The following ACTR3C variants were observed in gnomAD, a reference collection of about 807,000 sequenced individuals.
ACTR3C encodes the protein actin related protein 3C.
Under a neutral mutation model 26.3 loss-of-function variants are expected in ACTR3C, and 18 were observed. The observed-to-expected ratio is 0.68, with a 90% CI of 0.47 to 1.01. ACTR3C has a LOEUF of 1.01. Among genes scored for constraint, ACTR3C ranks in the 50% least tolerant of loss-of-function variants. The pLI is 0.00. For missense variants in ACTR3C, 184 were observed against 250.7 expected (o/e 0.73, Z 1.80); for synonymous variants, 55 against 94.5 (o/e 0.58, Z 2.42).
At chr7:150,184,753 G>A in the ACTR3C span, among the ~76,000 whole-genome samples, 2 of 149,204 alleles carry the variant, frequency 1.3e-5, no homozygotes, top group Admixed American at 1.3e-4. Context: ...ACACGCTAAG[G>A]GGGTTTGAGC....
chr7:150,312,874 G>A (rs1343858955), intron 1 of ACTR3C, among the ~76,000 whole-genome samples: 1 of 152,144 alleles, frequency 6.6e-6, no homozygotes, highest in Non-Finnish European at 1.5e-5. Flanking sequence ...GCACATATAT[G>A]TCCAGATGGC....
the ACTR3C span, among the ~76,000 whole-genome samples, chr7:149,996,417 T>G: frequency 6.7e-6 from 1 of 150,072 alleles, no homozygotes; most frequent in South Asian, 2.2e-4. Flanking sequence ...AAATTGCTAT[T>G]CAGGAGCTGG....
chr7:149,896,985 T>A, the ACTR3C span, among the ~76,000 whole-genome samples: 2 of 144,206 alleles, frequency 1.4e-5, no homozygotes, highest in Non-Finnish European at 3.0e-5. Context: ...CACTTGAACT[T>A]GGGAGGTGGA....
the ACTR3C span, among the ~76,000 whole-genome samples, chr7:149,932,748 G>T: frequency 1.7e-4 from 23 of 138,742 alleles, no homozygotes; most frequent in Non-Finnish European, 8.0e-5. Context: ...GGACAGCAGG[G>T]CGAGACAGGG....
At chr7:149,974,225 T>C in the ACTR3C span, among the ~76,000 whole-genome samples, 1 of 134,078 alleles carries the variant, frequency 7.5e-6, no homozygotes, top group Non-Finnish European at 1.6e-5. Context: ...TTACAGCAAA[T>C]TGCTAAAGTG....
At chr7:149,910,321 G>A in the ACTR3C span, among the ~76,000 whole-genome samples, 1 of 152,300 alleles carries the variant, frequency 6.6e-6, no homozygotes, top group East Asian at 1.9e-4. Context: ...TCTGACAAGA[G>A]CATCTCTTCA....
chr7:150,034,948 G>A, the ACTR3C span, among the ~76,000 whole-genome samples: 19 of 146,616 alleles, frequency 1.3e-4, no homozygotes, highest in Admixed American at 4.1e-4. Context: ...GGGCGGAAGA[G>A]GGGATAACTC....
the ACTR3C span, among the ~76,000 whole-genome samples, chr7:150,192,225 T>C: frequency 6.6e-6 from 1 of 151,762 alleles, no homozygotes. Context: ...ACATTAGTGA[T>C]GGCCTCATTA....
the ACTR3C span, among the ~76,000 whole-genome samples, chr7:150,139,147 G>A: frequency 1.9e-3 from 283 of 147,964 alleles, no homozygotes; most frequent in African/African-American, 6.5e-3. Context: ...CCCACTCCCC[G>A]GTCCATGGAA....
the ACTR3C span, chr7:149,892,365 T>C: frequency 2.5e-6 from 4 of 1,590,866 alleles, no homozygotes; most frequent in South Asian, 4.5e-5. Context: ...TTGGGCTTGG[T>C]CAACTACCTT....
At chr7:150,105,085 C>CTTTTTTTTTTT in the ACTR3C span, among the ~76,000 whole-genome samples, 1 of 138,604 alleles carries the variant, frequency 7.2e-6, no homozygotes. Context: ...TTCTTTTTTT[C>CTTTTTTTTTTT]TTTTTTTTTT....
At chr7:150,019,186 A>G in the ACTR3C span, among the ~76,000 whole-genome samples, 1 of 150,424 alleles carries the variant, frequency 6.6e-6, no homozygotes, top group South Asian at 2.1e-4. Flanking sequence ...TGTAATTTAC[A>G]GAGAGTTGAG....
At chr7:150,287,447 T>G (rs1037998008) in intron 4 of ACTR3C, among the ~76,000 whole-genome samples, 1 of 152,028 alleles carries the variant, frequency 6.6e-6, no homozygotes, top group Non-Finnish European at 1.5e-5. Flanking sequence ...AAGTGTTTCA[T>G]GGGTATCTGG....
the ACTR3C span, among the ~76,000 whole-genome samples, chr7:150,096,405 G>A: frequency 3.8e-4 from 57 of 151,072 alleles, 1 homozygote; most frequent in African/African-American, 9.9e-4. Flanking sequence ...CTTCTCCTCC[G>A]GTAGCTGTGC....
rs577725987 is a variant in ACTR3C, at chr7:150,295,159, G to T, written c.45+93C>A. 3.8e-5 allele frequency: 55 copies of T among 1,436,000 alleles called. 1 individual carries two copies. In the South Asian group the frequency reaches 6.1e-4, roughly 16 times the overall value. The allele number at this position is 1,436,000 out of a possible 1,614,324, so 89.0% of individuals were successfully genotyped here. On this transcript the variant is annotated intron_variant, in intron 2 of 7. Coordinates refer to ENST00000683684, the MANE Select transcript of ACTR3C (RefSeq NM_001164458.2). ...AGTGGAAAAAGGAAGGGCACACAGC[G>T]CAGTCTTCCAGCGGAGAACCTTGGG...
At chr7:150,005,374 T>G in the ACTR3C span, among the ~76,000 whole-genome samples, 2 of 152,168 alleles carry the variant, frequency 1.3e-5, no homozygotes, top group African/African-American at 4.8e-5. Context: ...CAGCCCATCA[T>G]CCCAATCACT....
the ACTR3C span, among the ~76,000 whole-genome samples, chr7:149,948,960 T>A: frequency 6.6e-6 from 1 of 151,212 alleles, no homozygotes. Flanking sequence ...TCGAAAGCAC[T>A]GCTTTTGTTT....
the ACTR3C span, among the ~76,000 whole-genome samples, chr7:150,031,108 T>C: frequency 1.3e-5 from 2 of 151,782 alleles, no homozygotes; most frequent in Admixed American, 6.6e-5. Context: ...AATACAAAAA[T>C]TAGCCAGGCA....
At chr7:150,290,894 T>C (rs1211838716) in intron 3 of ACTR3C, among the ~76,000 whole-genome samples, 6 of 152,210 alleles carry the variant, frequency 3.9e-5, no homozygotes, top group African/African-American at 1.4e-4. Flanking sequence ...TATCAGCTCA[T>C]GACAGTGGTA....
Sources: gnomAD v4.1 joint callset for allele counts (sites outside exome capture counted in the v4.1 genomes callset) on GRCh38, gnomAD v4.1.1 for gene constraint, MANE v1.5 for transcripts, NCBI Gene and HGNC (gene_info 2026-07-23, HGNC 2026-07-21) for gene names.